The following ANKRD44 variants were observed in gnomAD, a reference collection of about 807,000 sequenced individuals.
ANKRD44 encodes the protein ankyrin repeat domain 44.
ANKRD44 carries 35 observed loss-of-function variants against 116.0 expected under a neutral mutation model. The ratio of observed to expected loss-of-function variants is 0.30; its 90% CI spans 0.23 to 0.40. ANKRD44 has a LOEUF of 0.40. Ranked by LOEUF, ANKRD44 falls within the 10% of genes least tolerant of loss-of-function variation. The pLI is 1.00. For synonymous variants in ANKRD44, 435 were observed against 461.8 expected, an observed-to-expected ratio of 0.94 and a Z score of 0.74; for missense variants, 1,014 against 1,242.6, an observed-to-expected ratio of 0.82 and a Z score of 2.77.
chr2:197,047,627 GTGGGCTGGGTGC>G (rs1323561936), intron 16 of ANKRD44, among the ~76,000 whole-genome samples: 1 of 152,022 alleles, frequency 6.6e-6, no homozygotes, highest in African/African-American at 2.4e-5. Context: ...AAGAGTGTTG[GTGGGCTGGGTGC>G]GGTGGCTCAC....
intron 1 of ANKRD44, among the ~76,000 whole-genome samples, chr2:197,238,970 G>A (rs1297225349): frequency 7.9e-5 from 12 of 152,086 alleles, no homozygotes; most frequent in African/African-American, 1.2e-4. Context: ...CCCCCAACCC[G>A]CCTGCCCTGT....
chr2:197,216,857 G>A (rs1159944423), intron 1 of ANKRD44, among the ~76,000 whole-genome samples: 2 of 99,838 alleles, frequency 2.0e-5, no homozygotes, highest in African/African-American at 9.2e-5. Flanking sequence ...TTGTCAGCAA[G>A]CACATTGGTT....
chr2:197,136,999 C>T (rs2079234653), intron 3 of ANKRD44, among the ~76,000 whole-genome samples: 1 of 152,200 alleles, frequency 6.6e-6, no homozygotes, highest in Non-Finnish European at 1.5e-5. Flanking sequence ...AAAACCAGCT[C>T]ACACTCAGAA....
At chr2:197,237,615 C>CAACA in intron 1 of ANKRD44, among the ~76,000 whole-genome samples, 1 of 152,188 alleles carries the variant, frequency 6.6e-6, no homozygotes, top group Non-Finnish European at 1.5e-5. Flanking sequence ...TAAATGACAG[C>CAACA]TAATATACAA....
At chr2:197,043,454 C>A (rs13013812) in intron 16 of ANKRD44, among the ~76,000 whole-genome samples, 2 of 151,892 alleles carry the variant, frequency 1.3e-5, no homozygotes, top group Admixed American at 6.6e-5. Flanking sequence ...GTGATCCTCC[C>A]ACCTCAGCCT....
intron 16 of ANKRD44, among the ~76,000 whole-genome samples, chr2:197,074,612 C>T (rs2077626916): frequency 6.6e-6 from 1 of 152,138 alleles, no homozygotes; most frequent in African/African-American, 2.4e-5. Context: ...GCTAGGACTA[C>T]AGGTGCACAT....
intron 1 of ANKRD44, among the ~76,000 whole-genome samples, chr2:197,309,524 A>G (rs1461915796): frequency 6.6e-6 from 1 of 152,182 alleles, no homozygotes; most frequent in African/African-American, 2.4e-5. Flanking sequence ...CTAACTGGAG[A>G]ACGCAAGGCA....
chr2:197,035,080 AG>A (rs1192183626), intron 16 of ANKRD44, among the ~76,000 whole-genome samples: 1 of 152,228 alleles, frequency 6.6e-6, no homozygotes, highest in African/African-American at 2.4e-5. Context: ...CAAAGGCAAT[AG>A]AAGGTTAAAT....
intron 1 of ANKRD44, among the ~76,000 whole-genome samples, chr2:197,253,445 C>A (rs753126292): frequency 6.6e-6 from 1 of 152,168 alleles, no homozygotes; most frequent in African/African-American, 2.4e-5. Flanking sequence ...TATCTACACA[C>A]ACACGTACAT....
intron 9 of ANKRD44, among the ~76,000 whole-genome samples, chr2:197,105,073 C>T (rs1450737657): frequency 6.6e-6 from 1 of 151,974 alleles, no homozygotes; most frequent in Non-Finnish European, 1.5e-5. Context: ...TTCTTCAAAT[C>T]TTTGTTTCTG....
At chr2:197,231,743 G>C (rs1027145702) in intron 1 of ANKRD44, among the ~76,000 whole-genome samples, 1 of 151,682 alleles carries the variant, frequency 6.6e-6, no homozygotes, top group Non-Finnish European at 1.5e-5. Context: ...GCAGTGCCAA[G>C]GCTAGGAAAC....
chr2:197,031,206 T>C (rs1282465942), intron 16 of ANKRD44, among the ~76,000 whole-genome samples: 1 of 152,028 alleles, frequency 6.6e-6, no homozygotes, highest in Non-Finnish European at 1.5e-5. Flanking sequence ...TGACTATATA[T>C]ACAGGAAAAC....
intron 5 of ANKRD44, 45 bp downstream of exon 5, chr2:197,125,792 A>G: frequency 6.3e-7 from 1 of 1,584,004 alleles, no homozygotes; most frequent in African/African-American, 1.3e-5. Context: ...TGTGGCTGAA[A>G]GTCCTGGAGG....
At chr2:197,042,131 TTG>T (rs951090737) in intron 16 of ANKRD44, among the ~76,000 whole-genome samples, 4 of 152,160 alleles carry the variant, frequency 2.6e-5, no homozygotes, top group Admixed American at 6.5e-5. Context: ...AAGCCTGATT[TTG>T]TGTGTGTGTC....
intron 24 of ANKRD44, 105 bp downstream of exon 24, chr2:196,998,802 C>A: frequency 2.1e-6 from 3 of 1,462,304 alleles, no homozygotes; most frequent in South Asian, 2.8e-5. Flanking sequence ...CTGCTAATGG[C>A]CCTTTTCCAC....
intron 16 of ANKRD44, among the ~76,000 whole-genome samples, chr2:197,026,492 A>G (rs1279858120): frequency 3.3e-5 from 5 of 152,230 alleles, no homozygotes; most frequent in Non-Finnish European, 5.9e-5. Context: ...AGAGGGGCCA[A>G]CAGCTGCCAA....
At chr2:197,038,737 T>C (rs2076853358) in intron 16 of ANKRD44, among the ~76,000 whole-genome samples, 1 of 152,212 alleles carries the variant, frequency 6.6e-6, no homozygotes, top group Non-Finnish European at 1.5e-5. Context: ...ATTCCTTTCA[T>C]CTTGCTGTAG....
chr2:197,078,898 C>T (rs1038747480), intron 15 of ANKRD44, 84 bp from the exon 16 acceptor site: 54 of 1,375,944 alleles, frequency 3.9e-5, no homozygotes, highest in Middle Eastern at 1.9e-4. Context: ...CTATTACGAA[C>T]GTTCCATGAA....
intron 16 of ANKRD44, among the ~76,000 whole-genome samples, chr2:197,070,834 G>T (rs1320539196): frequency 6.6e-6 from 1 of 151,970 alleles, no homozygotes; most frequent in Non-Finnish European, 1.5e-5. Context: ...TTAAGTATTT[G>T]GTAGAATTCT....
Sources: allele counts gnomAD v4.1 joint callset (sites outside exome capture counted in the v4.1 genomes callset), GRCh38; gene constraint gnomAD v4.1.1; transcripts MANE v1.5; gene names NCBI Gene and HGNC (gene_info 2026-07-23, HGNC 2026-07-21).